GLIS3: variants seen among roughly 807,000 people sequenced by gnomAD.
The protein encoded by GLIS3 is zinc finger protein GLIS3.
Under a neutral mutation model 78.6 loss-of-function variants are expected in GLIS3, and 53 were observed. The observed-to-expected ratio is 0.67, with a 90% confidence interval of 0.54 to 0.85. GLIS3 has a LOEUF of 0.85. Among genes scored for constraint, GLIS3 ranks in the 40% least tolerant of loss-of-function variants. The pLI is 0.00. For synonymous variants in GLIS3, 684 were observed against 509.9 expected (o/e 1.34, Z -4.60); for missense variants, 1,703 against 1,231.1 (o/e 1.38, Z -5.74).
chr9:4,215,452 T>C (rs1385069778), intron 2 of GLIS3, among the ~76,000 whole-genome samples: 4 of 152,142 alleles, frequency 2.6e-5, no homozygotes, highest in Non-Finnish European at 4.4e-5. Context: ...TTGTGGGGGA[T>C]GCACAAAGCC....
intron 2 of GLIS3, among the ~76,000 whole-genome samples, chr9:4,161,473 G>A (rs185680621): frequency 5.7e-4 from 87 of 152,148 alleles, no homozygotes; most frequent in Admixed American, 1.8e-3. Flanking sequence ...ACACCCCTTC[G>A]TGGATGCATT....
intron 4 of GLIS3, among the ~76,000 whole-genome samples, chr9:3,970,937 T>G (rs1818329885): frequency 6.9e-6 from 1 of 145,726 alleles, no homozygotes; most frequent in Admixed American, 6.9e-5. Flanking sequence ...AAAAAAAGGA[T>G]GGGGAAGAAG....
At chr9:4,485,717 T>C in the GLIS3 span, among the ~76,000 whole-genome samples, 1 of 124,986 alleles carries the variant, frequency 8.0e-6, no homozygotes, top group African/African-American at 3.3e-5. Flanking sequence ...CTCCTGCCTC[T>C]GCTTTTTTTT....
chr9:4,312,305 T>C (rs1817375407), intron 2 of GLIS3, among the ~76,000 whole-genome samples: 1 of 152,008 alleles, frequency 6.6e-6, no homozygotes, highest in Admixed American at 6.6e-5. Context: ...CCATCTCTAC[T>C]AAAAATACAA....
chr9:4,241,722 G>C (rs1823334046), intron 2 of GLIS3, among the ~76,000 whole-genome samples: 2 of 151,966 alleles, frequency 1.3e-5, no homozygotes, highest in Admixed American at 1.3e-4. Context: ...TGTCTGGAAT[G>C]TCCAGGCTGG....
intron 6 of GLIS3, 118 bp from the exon 7 acceptor site, chr9:3,898,953 A>T: frequency 7.9e-7 from 1 of 1,265,852 alleles, no homozygotes; most frequent in East Asian, 2.5e-5. Flanking sequence ...TCAAGCAGCA[A>T]CTACGGGTAA....
In GLIS3 at chr9:3,977,666, C is replaced by T. The variant is rs900813879; in HGVS notation, c.1711-40477G>A. Among the ~76,000 whole-genome samples the T allele has an allele frequency of 1.3e-5, 2 of 152,104 alleles. No individual in the cohort carries two copies. The highest frequency in any genetic ancestry group is 6.6e-5 in the Admixed American group (1 of 15,264). The stretch of plus-strand genomic sequence containing the variant: ...AGCCACATCAATAATGGCAGAATGA[C>T]GGCTTAGTTCAAAGATCATAGAGAT... On this transcript the variant is annotated intron_variant, in intron 4 of 10. Transcript: ENST00000381971. This position sits in a 1 kb window ranked among gnomAD's most constrained non-coding sequence, Gnocchi z 4.1.
chr9:4,081,674 C>T lies in GLIS3; in HGVS notation c.1710+36094G>A, dbSNP rs190576962. 1.5e-3 allele frequency among the ~76,000 whole-genome samples: 236 copies of T among 152,310 alleles called. 1 individual carries two copies. The highest frequency in any genetic ancestry group is 2.4e-3 in the Non-Finnish European group (166 of 68,022). On this transcript the variant is annotated intron_variant, in intron 4 of 10. Transcript: ENST00000381971. ...TGTAATAGCAACCAGCCTATCGTGA[C>T]TAATACATTTCCCCAACTAGACTAT...
chr9:4,143,336 G>C (rs1423885206), intron 2 of GLIS3, among the ~76,000 whole-genome samples: 1 of 152,092 alleles, frequency 6.6e-6, no homozygotes, highest in African/African-American at 2.4e-5. Flanking sequence ...GGAGGCTGAG[G>C]CGGGCAGATC....
the GLIS3 span, among the ~76,000 whole-genome samples, chr9:4,427,289 C>T: frequency 6.6e-6 from 1 of 152,108 alleles, no homozygotes; most frequent in Non-Finnish European, 1.5e-5. Flanking sequence ...CCAAGAACTC[C>T]CCTCTTCTCC....
At chr9:4,467,703 A>C in the GLIS3 span, among the ~76,000 whole-genome samples, 1 of 152,226 alleles carries the variant, frequency 6.6e-6, no homozygotes, top group Admixed American at 6.5e-5. Flanking sequence ...AAAAGCTGAA[A>C]ATTCTAAAAA....
chr9:3,846,381 T>A (rs1442950974), intron 9 of GLIS3, among the ~76,000 whole-genome samples: 1 of 152,186 alleles, frequency 6.6e-6, no homozygotes, highest in Non-Finnish European at 1.5e-5. Context: ...TCTTCCATTG[T>A]CTCACCTGGG....
chr9:4,400,222 G>A, the GLIS3 span, among the ~76,000 whole-genome samples: 3 of 152,212 alleles, frequency 2.0e-5, no homozygotes, highest in Non-Finnish European at 4.4e-5. Context: ...TCTTCTGTGT[G>A]ATGATGGATT....
At chr9:4,092,364 G>A (rs1829592701) in intron 4 of GLIS3, among the ~76,000 whole-genome samples, 1 of 151,848 alleles carries the variant, frequency 6.6e-6, no homozygotes, top group East Asian at 1.9e-4. Context: ...ATGTTAACCA[G>A]GATGGTCTCG....
intron 2 of GLIS3, among the ~76,000 whole-genome samples, chr9:4,191,197 T>C (rs1818303238): frequency 6.6e-6 from 1 of 151,122 alleles, no homozygotes; most frequent in South Asian, 2.2e-4. Flanking sequence ...TAACTTTAAA[T>C]GTAAATGGAC....
At chr9:4,395,769 CT>C in the GLIS3 span, among the ~76,000 whole-genome samples, 1 of 145,840 alleles carries the variant, frequency 6.9e-6, no homozygotes, top group Non-Finnish European at 1.5e-5. Flanking sequence ...TTTCTTTTTT[CT>C]TTTTTTCTTT....
rs561909256 is a variant in GLIS3, at chr9:4,145,637, C to T, written c.389-19696G>A. On this transcript the variant is annotated intron_variant, in intron 2 of 10. Coordinates refer to ENST00000381971, the MANE Select transcript of GLIS3 (RefSeq NM_001042413.2). ...ACAGCCCGACTCTGAGAGCAGTCTCCAAGTCACATCAGTGCCCTCTGTCAG... is the reference window on the plus strand; with the variant it reads ...ACAGCCCGACTCTGAGAGCAGTCTCTAAGTCACATCAGTGCCCTCTGTCAG... 2.0e-5 allele frequency among the ~76,000 whole-genome samples: 3 copies of T among 152,240 alleles called. No homozygotes were observed. The South Asian group carries it at 6.2e-4, about 32-fold the overall frequency.
intron 8 of GLIS3, among the ~76,000 whole-genome samples, chr9:3,859,147 G>A (rs1447439774): frequency 6.6e-6 from 1 of 152,140 alleles, no homozygotes; most frequent in Non-Finnish European, 1.5e-5. Flanking sequence ...CAAGAGAGAT[G>A]CCAGGAGAGT....
intron 2 of GLIS3, among the ~76,000 whole-genome samples, chr9:4,159,423 G>A (rs1835299127): frequency 6.6e-6 from 1 of 152,148 alleles, no homozygotes; most frequent in South Asian, 2.1e-4. Context: ...TTCCATAAGA[G>A]ATAATAAATC....
Sources: allele counts gnomAD v4.1 joint callset (sites outside exome capture counted in the v4.1 genomes callset), GRCh38; gene constraint gnomAD v4.1.1; non-coding constraint Gnocchi (gnomAD v3.1); transcripts MANE v1.5; gene names NCBI Gene and HGNC (gene_info 2026-07-23, HGNC 2026-07-21).